PID1: variants seen among roughly 807,000 people sequenced by gnomAD.
PID1 encodes phosphotyrosine interaction domain containing 1.
Under a neutral mutation model 19.1 loss-of-function variants are expected in PID1, and 10 were observed. The ratio of observed to expected loss-of-function variants is 0.52; its 90% CI spans 0.32 to 0.89. The LOEUF (loss-of-function observed/expected upper bound fraction) is 0.89, where lower values mean the gene tolerates loss of function less well. Ranked by LOEUF, PID1 falls within the 40% of genes least tolerant of loss-of-function variation. The pLI is 0.03. For missense variants in PID1, 248 were observed against 285.3 expected (o/e 0.87, Z 0.94); for synonymous variants, 130 against 116.0 (o/e 1.12, Z -0.78).
At chr2:229,080,076 C>T (rs935691233) in intron 2 of PID1, among the ~76,000 whole-genome samples, 3 of 152,158 alleles carry the variant, frequency 2.0e-5, no homozygotes, top group African/African-American at 7.2e-5. Context: ...TTCTCCAGTC[C>T]ACCCTCCCAA....
chr2:229,191,295 G>T (rs1382349671), intron 1 of PID1, among the ~76,000 whole-genome samples: 1 of 152,142 alleles, frequency 6.6e-6, no homozygotes, highest in Non-Finnish European at 1.5e-5. Flanking sequence ...GTGTTCACAG[G>T]TATCAAATGA....
intron 2 of PID1, among the ~76,000 whole-genome samples, chr2:229,148,349 T>C (rs1273978202): frequency 6.6e-6 from 1 of 152,126 alleles, no homozygotes; most frequent in Non-Finnish European, 1.5e-5. Flanking sequence ...TATTTGAACA[T>C]ATATTTAAAG....
At chr2:229,051,519 G>A (rs943033188) in intron 2 of PID1, among the ~76,000 whole-genome samples, 6 of 151,914 alleles carry the variant, frequency 3.9e-5, no homozygotes, top group African/African-American at 1.2e-4. Context: ...TGTATTTTTA[G>A]TAGAGACAGG....
chr2:229,235,079 T>C lies in PID1; in HGVS notation c.30+35935A>G, dbSNP rs561569152. On this transcript the variant is annotated intron_variant, in intron 1 of 2. Coordinates refer to ENST00000392055, the MANE Select transcript of PID1 (RefSeq NM_001100818.2). ...TTTCTTGTCCCTCTCCAGTGTTTCC[T>C]CCTCTCTCCCACCCTCTCTCTAGGC... is the stretch of plus-strand genomic sequence containing the variant. 1.8e-3 allele frequency among the ~76,000 whole-genome samples: 267 copies of C among 152,258 alleles called. 2 individuals are homozygous for C. The highest frequency in any genetic ancestry group is 6.2e-3 in the South Asian group (30 of 4,826).
intron 1 of PID1, among the ~76,000 whole-genome samples, chr2:229,209,841 A>T (rs1691688574): frequency 6.6e-6 from 1 of 152,088 alleles, no homozygotes; most frequent in South Asian, 2.1e-4. Flanking sequence ...TTATTTGTCA[A>T]TTGCTTAAGG....
chr2:229,232,952 T>A (rs938454619), intron 1 of PID1, among the ~76,000 whole-genome samples: 1 of 151,928 alleles, frequency 6.6e-6, no homozygotes, highest in African/African-American at 2.4e-5. Context: ...GGAGGATGTG[T>A]TTCTCAAGTC....
intron 1 of PID1, among the ~76,000 whole-genome samples, chr2:229,260,463 CAT>C (rs3084671): frequency 0.39 from 56,958 of 147,746 alleles, 11,658 homozygotes; most frequent in African/African-American, 0.53. Context: ...TAAAAAGTTG[CAT>C]ATATATATAT....
At chr2:229,150,004 G>A (rs1024748048) in intron 2 of PID1, among the ~76,000 whole-genome samples, 1 of 152,214 alleles carries the variant, frequency 6.6e-6, no homozygotes, top group Non-Finnish European at 1.5e-5. Flanking sequence ...TTGGGAGGCC[G>A]AGGCGGGTGG....
intron 2 of PID1, among the ~76,000 whole-genome samples, chr2:229,058,130 A>G (rs182215044): frequency 1.4e-4 from 21 of 152,352 alleles, no homozygotes; most frequent in Non-Finnish European, 5.9e-5. Context: ...ACACCCAAAT[A>G]CTAGAGAGTT....
chr2:229,181,304 G>A (rs528045034), intron 1 of PID1, among the ~76,000 whole-genome samples: 141 of 152,092 alleles, frequency 9.3e-4, no homozygotes, highest in African/African-American at 3.2e-3. Context: ...GAAAGCAGAC[G>A]TTGTATTTGA....
At chr2:229,081,391 T>C (rs12997748) in intron 2 of PID1, among the ~76,000 whole-genome samples, 30,410 of 152,158 alleles carry the variant, frequency 0.2, 3,936 homozygotes, top group East Asian at 0.54. Flanking sequence ...CTTAGGTATA[T>C]AGTAGGTTCA....
At chr2:229,231,129 A>T (rs1692197135) in intron 1 of PID1, among the ~76,000 whole-genome samples, 1 of 152,108 alleles carries the variant, frequency 6.6e-6, no homozygotes, top group African/African-American at 2.4e-5. Context: ...TGGCCAACAC[A>T]TCTGTGCTTC....
intron 2 of PID1, among the ~76,000 whole-genome samples, chr2:229,139,136 A>G (rs1689953950): frequency 8.2e-6 from 1 of 122,296 alleles, no homozygotes; most frequent in South Asian, 3.4e-4. Context: ...AAAGAAAGAA[A>G]GAAAGAAAGA....
intron 2 of PID1, among the ~76,000 whole-genome samples, chr2:229,106,113 A>G (rs1574632930): frequency 6.6e-6 from 1 of 151,832 alleles, no homozygotes; most frequent in East Asian, 1.9e-4. Context: ...GAAAGAAAGA[A>G]ATAAACAGAG....
chr2:229,204,784 G>A (rs906491267), intron 1 of PID1, among the ~76,000 whole-genome samples: 1 of 152,072 alleles, frequency 6.6e-6, no homozygotes, highest in Non-Finnish European at 1.5e-5. Context: ...GAATCATTAT[G>A]GGTGGTACGG....
At position 229,025,201 on chromosome 2, in the gene PID1, C is replaced by T. The variant is rs1354228311; in HGVS notation, c.*431G>A. 6.1e-6 allele frequency: 1 copy of T among 164,372 alleles called. No individual in the cohort carries two copies. The highest frequency in any genetic ancestry group is 1.6e-4 in the South Asian group (1 of 6,140). 10.2% of individuals were successfully genotyped at this position (164,372 alleles called of 1,614,324 possible). ...TTCCTTCCTCCCTGCGGCCAGCGTC[C>T]CCATCAGCACCCTGCCCACCCCACT... On this transcript the variant is annotated 3_prime_UTR_variant, in exon 3 of 3. Transcript: ENST00000392055.
chr2:229,246,320 C>T (rs1241945681), intron 1 of PID1, among the ~76,000 whole-genome samples: 1 of 152,114 alleles, frequency 6.6e-6, no homozygotes, highest in Non-Finnish European at 1.5e-5. Context: ...CAAGTAAATA[C>T]CATCCTCATT....
At chr2:229,040,856 TAA>T (rs1485244895) in intron 2 of PID1, among the ~76,000 whole-genome samples, 1 of 152,158 alleles carries the variant, frequency 6.6e-6, no homozygotes, top group East Asian at 1.9e-4. Flanking sequence ...ATTAAAGAAA[TAA>T]GTTAAAAAGT....
intron 2 of PID1, among the ~76,000 whole-genome samples, chr2:229,080,374 C>T (rs1694646398): frequency 6.6e-6 from 1 of 152,078 alleles, no homozygotes; most frequent in Non-Finnish European, 1.5e-5. Context: ...CCTTACATAC[C>T]TCTGTGGTTG....
Sources: gnomAD v4.1 joint callset for allele counts (sites outside exome capture counted in the v4.1 genomes callset) on GRCh38, gnomAD v4.1.1 for gene constraint, MANE v1.5 for transcripts, NCBI Gene and HGNC (gene_info 2026-07-23, HGNC 2026-07-21) for gene names.